The following ZNF841 variants were observed in gnomAD, a reference collection of about 807,000 sequenced individuals.
ZNF841 encodes zinc finger protein 841, also known as TCONS_00006091.
A neutral mutation model predicts 13.0 loss-of-function variants in ZNF841; 11 were observed. That is an observed-to-expected ratio of 0.85 (90% CI 0.53 to 1.40). The LOEUF (loss-of-function observed/expected upper bound fraction) is 1.40. ZNF841 is among the 40% of genes most tolerant of loss of function. ZNF841 has a pLI of 0.00. For missense variants in ZNF841, 1,068 were observed against 1,139.5 expected (o/e 0.94, Z 0.90); for synonymous variants, 369 against 381.6 (o/e 0.97, Z 0.38).
intron 2 of ZNF841, among the ~76,000 whole-genome samples, chr19:52,093,582 G>A (rs1468123759): frequency 2.0e-5 from 3 of 152,126 alleles, no homozygotes; most frequent in Non-Finnish European, 4.4e-5. Context: ...TAACAGTTTG[G>A]AAAGTTTTTG....
intron 6 of ZNF841, among the ~76,000 whole-genome samples, chr19:52,073,721 TTAAAA>T (rs2087808735): frequency 6.6e-6 from 1 of 152,208 alleles, no homozygotes. Context: ...TGGGCTAAGT[TTAAAA>T]TAAAGTTAGA....
At chr19:52,069,212 A>G (rs2087673840) in intron 6 of ZNF841, among the ~76,000 whole-genome samples, 1 of 152,094 alleles carries the variant, frequency 6.6e-6, no homozygotes, top group Admixed American at 6.5e-5. Flanking sequence ...AGCTGGGACC[A>G]CAGATGCATG....
intron 3 of ZNF841, among the ~76,000 whole-genome samples, chr19:52,085,622 A>C (rs2088247324): frequency 1.3e-5 from 2 of 152,166 alleles, no homozygotes; most frequent in Admixed American, 6.5e-5. Flanking sequence ...CAGAACAAAG[A>C]CCTCAAGAAG....
intron 1 of ZNF841, among the ~76,000 whole-genome samples, chr19:52,095,322 A>G (rs575836858): frequency 6.6e-6 from 1 of 152,266 alleles, no homozygotes; most frequent in Non-Finnish European, 1.5e-5. Flanking sequence ...TGGGAGGAGA[A>G]GCGGCTCCTT....
intron 3 of ZNF841, among the ~76,000 whole-genome samples, chr19:52,086,853 T>C (rs1412124771): frequency 6.6e-6 from 1 of 152,048 alleles, no homozygotes; most frequent in Non-Finnish European, 1.5e-5. Flanking sequence ...CTCTGAAAAA[T>C]AAAGTTATCA....
chr19:52,066,539 T>C lies in ZNF841; in HGVS notation c.1343A>G (p.Gln448Arg), dbSNP rs753338966. 6.6e-5 allele frequency: 107 copies of C among 1,613,594 alleles called. No individual in the cohort carries two copies. The highest frequency in any genetic ancestry group is 9.0e-5 in the Non-Finnish European group (106 of 1,179,806). ...FYQNSQLVRH[Q>R]IIHTGETPYK... ...AGGTGTCTCTCCAGTATGAATTATC[T>C]GGTGCCTTACAAGTTGTGAATTCTG... The change falls in exon 7 of 7, where the codon CAG becomes CGG. Residue 448 changes from glutamine (Q) to arginine (R), a missense_variant. Gln to Arg is a conservative substitution (Grantham distance 43). Coordinates refer to ENST00000594440, the MANE Select transcript of ZNF841 (RefSeq NM_001136499.2).
intron 4 of ZNF841, among the ~76,000 whole-genome samples, chr19:52,081,228 G>A (rs186542998): frequency 9.9e-5 from 15 of 152,278 alleles, no homozygotes; most frequent in Non-Finnish European, 1.3e-4. Context: ...CTAATACAAT[G>A]TAAATGCTAC....
chr19:52,062,046 G>A (rs938071172), downstream of ZNF841, among the ~76,000 whole-genome samples: 2 of 152,102 alleles, frequency 1.3e-5, no homozygotes, highest in South Asian at 2.1e-4. Context: ...AGCAGGAGCC[G>A]AATGGCCAGT....
At position 52,065,432 on chromosome 19, in the gene ZNF841, C is replaced by A. The variant is rs372204022; in HGVS notation, c.2450G>T (p.Gly817Val). The change falls in exon 7 of 7, where the codon GGA (glycine) becomes GTA (valine). Residue 817 changes from glycine to valine, a missense_variant. Coordinates refer to ENST00000594440, the MANE Select transcript of ZNF841 (RefSeq NM_001136499.2). ...ILLNHQMMHT[G>V]EKPYKCNECG... ...TTCATTACATTTATAAGGTTTCTCT[C>A]CAGTATGCATCATCTGATGATTAAG... The A allele has an allele frequency of 1.3e-4, 208 of 1,613,744 alleles. No individual in the cohort carries two copies. The highest frequency in any genetic ancestry group is 1.6e-4 in the Non-Finnish European group (194 of 1,179,924).
intron 6 of ZNF841, among the ~76,000 whole-genome samples, chr19:52,073,300 T>G (rs1399674747): frequency 1.3e-5 from 2 of 152,092 alleles, no homozygotes; most frequent in Non-Finnish European, 2.9e-5. Flanking sequence ...GTTGTTTTTT[T>G]TTCTTTTTTT....
chr19:52,069,437 C>T (rs540720164), intron 6 of ZNF841, among the ~76,000 whole-genome samples: 1 of 152,260 alleles, frequency 6.6e-6, no homozygotes, highest in East Asian at 1.9e-4. Context: ...AGAGATTGTA[C>T]TTGGAAAATG....
chr19:52,059,387 A>G, the ZNF841 span, among the ~76,000 whole-genome samples: 1 of 125,084 alleles, frequency 8.0e-6, no homozygotes, highest in South Asian at 3.1e-4. Flanking sequence ...ATATATATAT[A>G]TATACACACA....
At chr19:52,090,431 T>C (rs2088431865) in intron 2 of ZNF841, among the ~76,000 whole-genome samples, 1 of 151,700 alleles carries the variant, frequency 6.6e-6, no homozygotes, top group South Asian at 2.1e-4. Flanking sequence ...TGGTGGTGCA[T>C]ACCTGTAGTC....
At chr19:52,079,658 G>A (rs73578837) in intron 4 of ZNF841, among the ~76,000 whole-genome samples, 4,566 of 152,142 alleles carry the variant, frequency 0.03, 228 homozygotes, top group African/African-American at 0.1. Context: ...AGGCAAGGAG[G>A]GGGTAGAGCC....
At chr19:52,068,340 G>C (rs1367264108) in intron 6 of ZNF841, among the ~76,000 whole-genome samples, 1 of 151,978 alleles carries the variant, frequency 6.6e-6, no homozygotes, top group Non-Finnish European at 1.5e-5. Flanking sequence ...TTAGTACTTG[G>C]ATGAGAGAAA....
At chr19:52,061,722 T>G (rs2087401645), downstream of ZNF841, among the ~76,000 whole-genome samples, 1 of 152,108 alleles carries the variant, frequency 6.6e-6, no homozygotes, top group Admixed American at 6.5e-5. Flanking sequence ...AATTTTGTAT[T>G]TTTAGTAGAG....
chr19:52,070,109 C>G (rs547441917), intron 6 of ZNF841, among the ~76,000 whole-genome samples: 1 of 152,154 alleles, frequency 6.6e-6, no homozygotes, highest in Non-Finnish European at 1.5e-5. Context: ...ACACAAGAAC[C>G]TGGGTTTGCA....
intron 4 of ZNF841, among the ~76,000 whole-genome samples, chr19:52,080,901 T>A (rs765290827): frequency 9.2e-5 from 14 of 152,180 alleles, no homozygotes; most frequent in Non-Finnish European, 1.9e-4. Context: ...GGGAGGTAGA[T>A]GATTTTTAAA....
intron 6 of ZNF841, among the ~76,000 whole-genome samples, chr19:52,071,738 CA>C (rs1314957773): frequency 1.3e-5 from 2 of 148,622 alleles, no homozygotes; most frequent in Non-Finnish European, 1.5e-5. Context: ...AAAACTATTT[CA>C]GGAAAAAAAA....
Sources: allele counts gnomAD v4.1 joint callset (sites outside exome capture counted in the v4.1 genomes callset), GRCh38; gene constraint gnomAD v4.1.1; transcripts MANE v1.5; gene names NCBI Gene and HGNC (gene_info 2026-07-23, HGNC 2026-07-21).